ACTMAP: variants seen among roughly 807,000 people sequenced by gnomAD.
ACTMAP encodes the protein UPF0692 protein C19orf54.
the ACTMAP span, among the ~76,000 whole-genome samples, chr19:40,745,910 T>G: frequency 6.6e-6 from 1 of 152,186 alleles, no homozygotes; most frequent in Non-Finnish European, 1.5e-5. Context: ...GACCTCAGGT[T>G]ATCCACCCAC....
the ACTMAP span, chr19:40,742,268 G>A: frequency 2.6e-6 from 2 of 769,026 alleles, no homozygotes; most frequent in Admixed American, 4.2e-5. Flanking sequence ...TCTCTCCCTA[G>A]AGGGACCAGC....
At chr19:40,744,690 A>T in the ACTMAP span, 3 of 1,603,236 alleles carry the variant, frequency 1.9e-6, no homozygotes, top group South Asian at 3.4e-5. Flanking sequence ...GCATCTGGGG[A>T]CAGAGAGGCC....
At chr19:40,750,090 G>A in the ACTMAP span, among the ~76,000 whole-genome samples, 1 of 152,132 alleles carries the variant, frequency 6.6e-6, no homozygotes, top group Non-Finnish European at 1.5e-5. Context: ...AGTCTTAGGT[G>A]GAGAGTTAGT....
At chr19:40,746,305 C>G in the ACTMAP span, among the ~76,000 whole-genome samples, 1 of 151,684 alleles carries the variant, frequency 6.6e-6, no homozygotes, top group Non-Finnish European at 1.5e-5. Flanking sequence ...CCACAACCTC[C>G]GCCTCCTGGG....
chr19:40,746,383 C>T, the ACTMAP span, among the ~76,000 whole-genome samples: 1 of 151,646 alleles, frequency 6.6e-6, no homozygotes, highest in Admixed American at 6.6e-5. Flanking sequence ...CCATGCCTGG[C>T]TAAGTTTTTG....
chr19:40,742,212 ACAT>A, the ACTMAP span: 1 of 698,600 alleles, frequency 1.4e-6, no homozygotes, highest in East Asian at 2.7e-5. Flanking sequence ...AGACGATGCG[ACAT>A]TCAGATGGAA....
the ACTMAP span, chr19:40,744,782 C>A: frequency 6.9e-7 from 1 of 1,449,014 alleles, no homozygotes; most frequent in Non-Finnish European, 9.1e-7. Context: ...AGGAGTCCCC[C>A]TCCCCTCTCC....
chr19:40,747,166 G>C, the ACTMAP span, among the ~76,000 whole-genome samples: 2 of 152,088 alleles, frequency 1.3e-5, no homozygotes, highest in East Asian at 1.9e-4. Context: ...TGGGTGTTGG[G>C]GGGGTGCGGA....
chr19:40,745,975 T>C, the ACTMAP span, among the ~76,000 whole-genome samples: 3 of 152,230 alleles, frequency 2.0e-5, no homozygotes, highest in South Asian at 2.1e-4. Flanking sequence ...GCCCGACTCT[T>C]TTTATTTTTA....
chr19:40,743,213 T>A, the ACTMAP span, among the ~76,000 whole-genome samples: 1 of 147,872 alleles, frequency 6.8e-6, no homozygotes, highest in East Asian at 2.0e-4. Flanking sequence ...CAGAGACATG[T>A]CACACGCCAA....
the ACTMAP span, chr19:40,742,795 G>A: frequency 1.9e-6 from 3 of 1,583,494 alleles, no homozygotes; most frequent in Non-Finnish European, 2.6e-6. Flanking sequence ...AAGGTGGTGA[G>A]TGGCAGTGAC....
chr19:40,749,405 C>CCA, the ACTMAP span: 1 of 436,064 alleles, frequency 2.3e-6, no homozygotes, highest in Non-Finnish European at 3.1e-6. Flanking sequence ...GACACGGGAA[C>CCA]CCCCCCCCCA....
the ACTMAP span, among the ~76,000 whole-genome samples, chr19:40,749,084 G>T: frequency 6.7e-6 from 1 of 150,196 alleles, no homozygotes; most frequent in African/African-American, 2.5e-5. Flanking sequence ...TCTGCCTCCA[G>T]GGTTCAAGCG....
At chr19:40,742,457 G>A in the ACTMAP span, 29 of 1,467,182 alleles carry the variant, frequency 2.0e-5, no homozygotes, top group Middle Eastern at 3.6e-4. Flanking sequence ...CCTGTGGTGT[G>A]AGGAGCAGGG....
the ACTMAP span, chr19:40,744,273 T>A: frequency 6.8e-7 from 1 of 1,463,870 alleles, no homozygotes; most frequent in Non-Finnish European, 9.1e-7. Context: ...TGGGCGATGC[T>A]TCCAACCCTC....
chr19:40,746,325 T>C, the ACTMAP span, among the ~76,000 whole-genome samples: 1 of 151,740 alleles, frequency 6.6e-6, no homozygotes, highest in African/African-American at 2.4e-5. Context: ...GTTCAAGCGA[T>C]TCTCCTGCCT....
chr19:40,744,587 G>T, the ACTMAP span: 2 of 1,613,826 alleles, frequency 1.2e-6, no homozygotes, highest in Non-Finnish European at 1.7e-6. Flanking sequence ...GGGCCGTGTA[G>T]CCTCTTTCCG....
chr19:40,744,161 C>T, the ACTMAP span: 2 of 1,603,724 alleles, frequency 1.2e-6, no homozygotes, highest in South Asian at 2.2e-5. Flanking sequence ...GCCTGGCAGC[C>T]CAGCACCTCC....
chr19:40,745,216 TCA>T, the ACTMAP span: 4 of 1,551,570 alleles, frequency 2.6e-6, no homozygotes, highest in Non-Finnish European at 8.7e-7. Context: ...AGAGCCGTGC[TCA>T]GTCACCAGGG....
Sources: gnomAD v4.1 joint callset for allele counts (sites outside exome capture counted in the v4.1 genomes callset) on GRCh38, gnomAD v4.1.1 for gene constraint, MANE v1.5 for transcripts, NCBI Gene and HGNC (gene_info 2026-07-23, HGNC 2026-07-21) for gene names.